The following MACROD2 variants were observed in gnomAD, a reference collection of about 807,000 sequenced individuals.
MACROD2 encodes the protein mono-ADP ribosylhydrolase 2.
A neutral mutation model predicts 70.4 loss-of-function variants in MACROD2; 36 were observed. That is an observed-to-expected ratio of 0.51 (90% CI 0.39 to 0.68). The LOEUF is 0.68. MACROD2 is among the 30% of genes least tolerant of loss of function. MACROD2 has a pLI of 0.00. For synonymous variants in MACROD2, 172 were observed against 178.8 expected (o/e 0.96, Z 0.30); for missense variants, 496 against 538.4 (o/e 0.92, Z 0.78).
chr20:14,975,498 G>A (rs1431464440), intron 5 of MACROD2, among the ~76,000 whole-genome samples: 1 of 152,058 alleles, frequency 6.6e-6, no homozygotes, highest in South Asian at 2.1e-4. Context: ...GGGTACCTTC[G>A]ACAGGTGGGT....
chr20:14,565,936 AT>A (rs1273426680), intron 4 of MACROD2, among the ~76,000 whole-genome samples: 1 of 151,880 alleles, frequency 6.6e-6, no homozygotes, highest in South Asian at 2.1e-4. Flanking sequence ...TTGTTGGAAG[AT>A]TTGTTGATGC....
intron 15 of MACROD2, among the ~76,000 whole-genome samples, chr20:15,991,279 A>G (rs895219098): frequency 2.6e-5 from 4 of 152,188 alleles, no homozygotes; most frequent in African/African-American, 9.6e-5. Flanking sequence ...CTTTTAGTGA[A>G]CACATAGCAA....
intron 4 of MACROD2, among the ~76,000 whole-genome samples, chr20:14,560,492 G>C (rs1450659271): frequency 6.6e-6 from 1 of 151,532 alleles, no homozygotes; most frequent in African/African-American, 2.4e-5. Context: ...CCTATTTCTG[G>C]GATTTACAGA....
chr20:14,220,711 T>C (rs2081665086), intron 3 of MACROD2, among the ~76,000 whole-genome samples: 1 of 152,178 alleles, frequency 6.6e-6, no homozygotes, highest in Admixed American at 6.5e-5. Context: ...CTGCATCCTC[T>C]ACCCCTGTAT....
At chr20:15,105,993 A>G (rs1247196762) in intron 5 of MACROD2, among the ~76,000 whole-genome samples, 1 of 152,332 alleles carries the variant, frequency 6.6e-6, no homozygotes, top group East Asian at 1.9e-4. Context: ...TGCATAACAC[A>G]TAACATGAGG....
At chr20:15,956,377 G>A (rs1328674109) in intron 12 of MACROD2, among the ~76,000 whole-genome samples, 1 of 152,158 alleles carries the variant, frequency 6.6e-6, no homozygotes, top group African/African-American at 2.4e-5. Context: ...TAAATCTAAT[G>A]TGAAGGAGAG....
At chr20:15,788,570 A>T (rs2051970353) in intron 8 of MACROD2, among the ~76,000 whole-genome samples, 1 of 152,306 alleles carries the variant, frequency 6.6e-6, no homozygotes, top group East Asian at 1.9e-4. Flanking sequence ...TGTTACTAAG[A>T]GGTAATTACT....
intron 6 of MACROD2, among the ~76,000 whole-genome samples, chr20:15,351,546 C>G (rs1363269548): frequency 1.3e-5 from 2 of 152,152 alleles, no homozygotes; most frequent in African/African-American, 4.8e-5. Flanking sequence ...CTCCCAGGCT[C>G]CTCCCTATGC....
At chr20:14,698,755 A>G (rs2071156585) in intron 5 of MACROD2, among the ~76,000 whole-genome samples, 1 of 149,954 alleles carries the variant, frequency 6.7e-6, no homozygotes, top group Admixed American at 6.7e-5. Context: ...AATTTAATTA[A>G]ATAATTAAAT....
rs1208049658 is a variant in MACROD2, at chr20:14,211,400, T to TGTCTTTATCTCATTTAATGTGC, written c.271+125673_271+125694dup. Reference sequence around the variant, plus strand: ...TGTGGAATAATGACAATTTATTTGTTGTCTTTATCTCATTTAATGTGCATC... The same window carrying TGTCTTTATCTCATTTAATGTGC: ...TGTGGAATAATGACAATTTATTTGTTGTCTTTATCTCATTTAATGTGCGTCTTTATCTCATTTAATGTGCATC... On this transcript the variant is annotated intron_variant, in intron 3 of 17. Coordinates refer to ENST00000684519, the MANE Select transcript of MACROD2 (RefSeq NM_001351661.2). Among the ~76,000 whole-genome samples the TGTCTTTATCTCATTTAATGTGC allele has an allele frequency of 3.3e-5, 5 of 152,188 alleles. No homozygotes were observed. In the East Asian group the frequency reaches 9.6e-4, roughly 29 times the overall value.
chr20:14,343,443 A>T (rs1186294672), intron 3 of MACROD2, among the ~76,000 whole-genome samples: 1 of 152,152 alleles, frequency 6.6e-6, no homozygotes, highest in Non-Finnish European at 1.5e-5. Flanking sequence ...AAAGTGGTGG[A>T]TGTAATAGTT....
intron 4 of MACROD2, among the ~76,000 whole-genome samples, chr20:14,563,053 G>C (rs1979542667): frequency 6.6e-6 from 1 of 151,728 alleles, no homozygotes; most frequent in Admixed American, 6.6e-5. Flanking sequence ...ACCTTTACTT[G>C]GGCTAGATTA....
At chr20:14,941,741 T>G (rs2074391336) in intron 5 of MACROD2, among the ~76,000 whole-genome samples, 1 of 152,110 alleles carries the variant, frequency 6.6e-6, no homozygotes, top group Non-Finnish European at 1.5e-5. Flanking sequence ...GTCAAAGAAC[T>G]TTTTAGTTAG....
intron 5 of MACROD2, among the ~76,000 whole-genome samples, chr20:15,082,169 C>G (rs990414716): frequency 6.6e-6 from 1 of 152,156 alleles, no homozygotes; most frequent in African/African-American, 2.4e-5. Context: ...TTATCTGCTA[C>G]AAGTCCTTAC....
intron 5 of MACROD2, among the ~76,000 whole-genome samples, chr20:15,159,487 C>A (rs1157180479): frequency 1.3e-5 from 2 of 151,946 alleles, no homozygotes; most frequent in African/African-American, 4.8e-5. Flanking sequence ...TACTCTTTGA[C>A]AGAGGGTAAA....
At chr20:14,424,474 T>A (rs2083912716) in intron 3 of MACROD2, among the ~76,000 whole-genome samples, 1 of 152,190 alleles carries the variant, frequency 6.6e-6, no homozygotes, top group Non-Finnish European at 1.5e-5. Context: ...AGTTGAAGTA[T>A]ATTTTTAGAG....
At chr20:15,613,204 G>C (rs2048993700) in intron 8 of MACROD2, among the ~76,000 whole-genome samples, 1 of 152,186 alleles carries the variant, frequency 6.6e-6, no homozygotes, top group African/African-American at 2.4e-5. Flanking sequence ...TAGGCAGTCA[G>C]AAAATAATGG....
intron 3 of MACROD2, among the ~76,000 whole-genome samples, chr20:14,224,625 CTGG>C (rs375909872): frequency 9.9e-5 from 15 of 152,246 alleles, no homozygotes; most frequent in African/African-American, 3.6e-4. Context: ...ACGTGGCTTC[CTGG>C]GATTCTTATT....
At chr20:14,492,068 A>T (rs1395230057) in intron 3 of MACROD2, among the ~76,000 whole-genome samples, 1 of 152,190 alleles carries the variant, frequency 6.6e-6, no homozygotes, top group East Asian at 1.9e-4. Flanking sequence ...GTCTGTCCTC[A>T]TGCCCCTTCA....
Sources: gnomAD v4.1 joint callset for allele counts (sites outside exome capture counted in the v4.1 genomes callset) on GRCh38, gnomAD v4.1.1 for gene constraint, MANE v1.5 for transcripts, NCBI Gene and HGNC (gene_info 2026-07-23, HGNC 2026-07-21) for gene names.